KLHL32: variants seen among roughly 807,000 people sequenced by gnomAD.
The protein encoded by KLHL32 is kelch like family member 32.
KLHL32 carries 35 observed loss-of-function variants against 64.8 expected under a neutral mutation model. That is an observed-to-expected ratio of 0.54 (90% confidence interval 0.41 to 0.72). KLHL32 has a LOEUF of 0.72. Among genes scored for constraint, KLHL32 ranks in the 30% least tolerant of loss-of-function variants. KLHL32 has a pLI of 0.00. For synonymous variants in KLHL32, 259 were observed against 281.0 expected, an observed-to-expected ratio of 0.92 and a Z score of 0.78; for missense variants, 589 against 768.5, an observed-to-expected ratio of 0.77 and a Z score of 2.76.
the KLHL32 span, among the ~76,000 whole-genome samples, chr6:96,907,800 A>G: frequency 1.3e-5 from 2 of 152,220 alleles, no homozygotes; most frequent in African/African-American, 2.4e-5. Flanking sequence ...ATTCATGTGT[A>G]TAACAGCTTC....
intron 5 of KLHL32, among the ~76,000 whole-genome samples, chr6:97,077,212 C>T (rs1482480427): frequency 6.6e-6 from 1 of 152,146 alleles, no homozygotes; most frequent in Non-Finnish European, 1.5e-5. Context: ...TGGGTTGTCC[C>T]GCAGAAGGGA....
chr6:97,066,715 C>A (rs1308492906), intron 5 of KLHL32, among the ~76,000 whole-genome samples: 2 of 152,040 alleles, frequency 1.3e-5, no homozygotes, highest in Non-Finnish European at 2.9e-5. Context: ...AATATATATA[C>A]CCTGCTTCTC....
chr6:97,064,273 A>C (rs544911629), intron 4 of KLHL32, among the ~76,000 whole-genome samples: 38 of 152,290 alleles, frequency 2.5e-4, no homozygotes, highest in Middle Eastern at 3.4e-3. Flanking sequence ...ACTAAAACTC[A>C]GTTCTTTTGC....
the KLHL32 span, among the ~76,000 whole-genome samples, chr6:96,908,946 G>A: frequency 6.6e-6 from 1 of 152,088 alleles, no homozygotes; most frequent in Admixed American, 6.6e-5. Flanking sequence ...GCTGAAACCA[G>A]GAGAAACTGA....
chr6:96,962,032 C>T (rs553306423), intron 1 of KLHL32, among the ~76,000 whole-genome samples: 4 of 152,262 alleles, frequency 2.6e-5, no homozygotes, highest in Non-Finnish European at 5.9e-5. Flanking sequence ...ATGTATTTTT[C>T]GGTCATATAA....
At chr6:96,929,220 ATTTAC>A (rs1769541577) in intron 1 of KLHL32, among the ~76,000 whole-genome samples, 1 of 152,184 alleles carries the variant, frequency 6.6e-6, no homozygotes, top group Non-Finnish European at 1.5e-5. Flanking sequence ...CATGACAGGA[ATTTAC>A]TTTAAAGTTG....
intron 3 of KLHL32, among the ~76,000 whole-genome samples, chr6:97,005,821 A>G (rs1199256030): frequency 2.0e-5 from 3 of 152,246 alleles, no homozygotes; most frequent in African/African-American, 4.8e-5. Context: ...TGTCTTTTCT[A>G]TCAGACTGTG....
intron 8 of KLHL32, 67 bp from the exon 9 acceptor site, chr6:97,130,690 C>T (rs1387666498): frequency 1.6e-6 from 2 of 1,246,590 alleles, no homozygotes; most frequent in African/African-American, 3.0e-5. Flanking sequence ...ACTTATGAGG[C>T]ACTCGTTGCT....
At chr6:96,976,986 C>T (rs570625192) in intron 3 of KLHL32, among the ~76,000 whole-genome samples, 2 of 152,260 alleles carry the variant, frequency 1.3e-5, no homozygotes, top group South Asian at 4.1e-4. Context: ...TACATGCATG[C>T]GGCTAATGAA....
At chr6:97,093,949 G>T (rs1278109677) in intron 6 of KLHL32, among the ~76,000 whole-genome samples, 1 of 152,148 alleles carries the variant, frequency 6.6e-6, no homozygotes. Context: ...GTAGGCTGTT[G>T]TCCCTATTTG....
At chr6:96,991,888 G>A (rs1777916988) in intron 3 of KLHL32, among the ~76,000 whole-genome samples, 2 of 152,106 alleles carry the variant, frequency 1.3e-5, no homozygotes, top group Non-Finnish European at 2.9e-5. Flanking sequence ...AAAACAGGCC[G>A]CTTTTCCGGG....
chr6:97,030,120 G>C (rs564469975), intron 3 of KLHL32, among the ~76,000 whole-genome samples: 10 of 152,222 alleles, frequency 6.6e-5, no homozygotes, highest in African/African-American at 2.2e-4. Flanking sequence ...AATGGGAGTC[G>C]CAGTGGTTTT....
chr6:97,103,719 T>C (rs1796049677), intron 6 of KLHL32, among the ~76,000 whole-genome samples: 1 of 152,214 alleles, frequency 6.6e-6, no homozygotes, highest in African/African-American at 2.4e-5. Context: ...TGCACTTTCA[T>C]ACATGCAAAC....
At chr6:96,928,480 A>G (rs886629872) in intron 1 of KLHL32, among the ~76,000 whole-genome samples, 1 of 152,178 alleles carries the variant, frequency 6.6e-6, no homozygotes, top group African/African-American at 2.4e-5. Flanking sequence ...AAATTTGGGA[A>G]GGAGACTAGG....
At chr6:96,900,363 G>A in the KLHL32 span, among the ~76,000 whole-genome samples, 1 of 152,170 alleles carries the variant, frequency 6.6e-6, no homozygotes, top group Non-Finnish European at 1.5e-5. Flanking sequence ...AAGCTCTGGT[G>A]AATAGGTGAA....
intron 3 of KLHL32, among the ~76,000 whole-genome samples, chr6:96,983,442 T>A (rs1432213798): frequency 6.6e-6 from 1 of 152,304 alleles, no homozygotes; most frequent in Non-Finnish European, 1.5e-5. Context: ...TTGGAATAGT[T>A]TTAGAAGGAA....
In KLHL32 at chr6:96,983,892, T is replaced by G. The variant is rs535197496; in HGVS notation, c.204+7715T>G. Among the ~76,000 whole-genome samples, 7 of 152,342 alleles carry G rather than the reference T, an allele frequency of 4.6e-5. No individual in the cohort carries two copies. The South Asian group carries it at 1.0e-3, about 23-fold the overall frequency. On this transcript the variant is annotated intron_variant, in intron 3 of 10. Transcript: ENST00000369261. The stretch of plus-strand genomic sequence containing the variant: ...GTCTCTATTTCCTTCAGTTCTGCTC[T>G]GATCTTACTTATTTCTTGCCTTCTG...
At chr6:97,054,958 TA>T (rs1787568221) in intron 4 of KLHL32, among the ~76,000 whole-genome samples, 1 of 152,042 alleles carries the variant, frequency 6.6e-6, no homozygotes, top group Non-Finnish European at 1.5e-5. Context: ...TAAGAGAGGA[TA>T]AAAATTGATT....
At chr6:97,130,353 C>T (rs893931592) in intron 8 of KLHL32, among the ~76,000 whole-genome samples, 8 of 152,150 alleles carry the variant, frequency 5.3e-5, no homozygotes, top group African/African-American at 1.9e-4. Flanking sequence ...AGTCTGGATC[C>T]AGAAACTATT....
Sources: gnomAD v4.1 joint callset for allele counts (sites outside exome capture counted in the v4.1 genomes callset) on GRCh38, gnomAD v4.1.1 for gene constraint, MANE v1.5 for transcripts, NCBI Gene and HGNC (gene_info 2026-07-23, HGNC 2026-07-21) for gene names.